The following TG variants were observed in gnomAD, a reference collection of about 807,000 sequenced individuals.
The protein encoded by TG is thyroglobulin, also known as thyroid hormones.
TG carries 270 observed loss-of-function variants against 324.7 expected under a neutral mutation model. That is an observed-to-expected ratio of 0.83 (90% confidence interval 0.75 to 0.92). The LOEUF is 0.92. Among genes scored for constraint, TG ranks in the 40% least tolerant of loss-of-function variants. The probability of loss-of-function intolerance (pLI) is 0.00; values close to 1 mark genes in which losing one functional copy is unlikely to be tolerated. For missense variants in TG, 3,591 were observed against 3,456.4 expected, an observed-to-expected ratio of 1.04 and a Z score of -0.98; for synonymous variants, 1,401 against 1,327.0, an observed-to-expected ratio of 1.06 and a Z score of -1.21.
intron 27 of TG, among the ~76,000 whole-genome samples, 165 bp from the exon 28 acceptor site, chr8:132,960,843 G>C (rs1827644202): frequency 6.6e-6 from 1 of 152,164 alleles, no homozygotes; most frequent in South Asian, 2.1e-4. Flanking sequence ...GTACTAGGGA[G>C]CTGGAATAGA....
At chr8:132,995,952 G>A (rs1277162496) in intron 35 of TG, among the ~76,000 whole-genome samples, 3 of 152,140 alleles carry the variant, frequency 2.0e-5, no homozygotes, top group South Asian at 2.1e-4. Context: ...CATTACAGAC[G>A]TCTTTGGAAA....
At chr8:133,015,079 G>A (rs971667128) in intron 37 of TG, among the ~76,000 whole-genome samples, 1 of 152,116 alleles carries the variant, frequency 6.6e-6, no homozygotes, top group Non-Finnish European at 1.5e-5. Context: ...TGCCATGCTG[G>A]CCAGGCTGGT....
intron 43 of TG, among the ~76,000 whole-genome samples, chr8:133,104,950 T>G (rs1849670534): frequency 6.6e-6 from 1 of 152,226 alleles, no homozygotes; most frequent in Non-Finnish European, 1.5e-5. Context: ...CATGTCCATT[T>G]GGAATCCTCA....
At chr8:133,003,594 G>A (rs145551646) in intron 35 of TG, among the ~76,000 whole-genome samples, 23 of 152,016 alleles carry the variant, frequency 1.5e-4, no homozygotes, top group African/African-American at 3.6e-4. Context: ...TAATCTGTCC[G>A]TTAAAAATAA....
At position 132,963,909 on chromosome 8, in the gene TG, A is replaced by G. The variant is rs1417442437; in HGVS notation, c.5548+835A>G. 2.0e-5 allele frequency among the ~76,000 whole-genome samples: 3 copies of G among 152,234 alleles called. 1 individual carries two copies. Among genetic ancestry groups the G allele is most frequent in the South Asian group, 4.1e-4 (2 of 4,826 alleles). ...TGACTACATGCCTTAGTGCACGGCCATGGGTAATTTGCTTCCCTGCTAAGA... is the reference window on the plus strand; with the variant it reads ...TGACTACATGCCTTAGTGCACGGCCGTGGGTAATTTGCTTCCCTGCTAAGA... On this transcript the variant is annotated intron_variant, in intron 29 of 47. Coordinates refer to ENST00000220616, the MANE Select transcript of TG (RefSeq NM_003235.5).
chr8:132,911,293 C>A, intron 18 of TG, 84 bp from the exon 19 acceptor site: 1 of 1,612,684 alleles, frequency 6.2e-7, no homozygotes, highest in Non-Finnish European at 8.5e-7. Flanking sequence ...GTAACATAAG[C>A]CAAGTTCTGG....
At chr8:133,080,642 G>A (rs1033438688) in intron 41 of TG, among the ~76,000 whole-genome samples, 2 of 152,060 alleles carry the variant, frequency 1.3e-5, no homozygotes, top group African/African-American at 4.8e-5. Flanking sequence ...GGCATTCAAA[G>A]CTCATCAATC....
At chr8:132,914,939 G>A (rs1207291868) in intron 20 of TG, among the ~76,000 whole-genome samples, 1 of 152,096 alleles carries the variant, frequency 6.6e-6, no homozygotes, top group African/African-American at 2.4e-5. Flanking sequence ...TAGCAGGGGT[G>A]TACTGGTGTA....
intron 30 of TG, 118 bp from the exon 31 acceptor site, chr8:132,967,676 T>G (rs916902885): frequency 2.1e-5 from 24 of 1,153,814 alleles, no homozygotes; most frequent in Non-Finnish European, 2.9e-5. Context: ...GTCTCAGGCC[T>G]CTGCCCTAAC....
intron 28 of TG, 129 bp downstream of exon 28, chr8:132,961,202 A>G: frequency 2.1e-6 from 2 of 942,334 alleles, no homozygotes; most frequent in Admixed American, 2.0e-5. Flanking sequence ...CCAAATGCAT[A>G]CTTTCTGTGG....
chr8:132,948,082 C>G (rs548885556), intron 26 of TG, among the ~76,000 whole-genome samples: 1 of 152,324 alleles, frequency 6.6e-6, no homozygotes, highest in African/African-American at 2.4e-5. Context: ...CACACAGTCT[C>G]TGCTTGGATA....
At chr8:132,895,108 G>GA (rs760800395) in intron 11 of TG, among the ~76,000 whole-genome samples, 1 of 152,234 alleles carries the variant, frequency 6.6e-6, no homozygotes, top group Non-Finnish European at 1.5e-5. Context: ...TCTGGCAGGA[G>GA]AACAGGTCCC....
chr8:132,979,555 C>A (rs1335098854), intron 34 of TG, among the ~76,000 whole-genome samples: 1 of 152,174 alleles, frequency 6.6e-6, no homozygotes, highest in Non-Finnish European at 1.5e-5. Context: ...AGCTTCTTAA[C>A]CTTTTACTAA....
intron 41 of TG, among the ~76,000 whole-genome samples, chr8:133,064,720 C>T (rs550112409): frequency 3.3e-5 from 5 of 152,330 alleles, no homozygotes; most frequent in Admixed American, 2.6e-4. Flanking sequence ...GTTTCTGTTT[C>T]GCAGATCTGG....
intron 21 of TG, among the ~76,000 whole-genome samples, chr8:132,920,608 G>C (rs1820967127): frequency 6.6e-6 from 1 of 152,190 alleles, no homozygotes; most frequent in Non-Finnish European, 1.5e-5. Flanking sequence ...ATGACTTGAA[G>C]TGCTATCAAA....
chr8:133,131,287 A>T (rs1261960790), intron 45 of TG, among the ~76,000 whole-genome samples: 1 of 152,226 alleles, frequency 6.6e-6, no homozygotes, highest in Admixed American at 6.5e-5. Context: ...TATTTAATCC[A>T]GTCTAGCATG....
Position 132,913,143 on chromosome 8 carries a change from C to A in TG, c.4256C>A (p.Ala1419Glu), listed in dbSNP as rs374574993. 5 of 1,614,056 alleles carry A rather than the reference C, an allele frequency of 3.1e-6. No individual in the cohort carries two copies. Among genetic ancestry groups the A allele is most frequent in the Non-Finnish European group, 3.4e-6 (4 of 1,180,030 alleles). Residue 1419 changes from alanine (A) to glutamate (E), a missense_variant, in exon 20 of 48, where the codon GCG (alanine) becomes GAG (glutamate). By Grantham distance (107) the Ala-to-Glu change is moderately radical. Transcript: ENST00000220616. ...QLHLDSKTFP[A>E]ETIRFLQGDH... ...CATCTGGACTCCAAGACGTTCCCAGCGGAAACCATCCGCTTCCTCCAAGGG... is the reference window on the plus strand; with the variant it reads ...CATCTGGACTCCAAGACGTTCCCAGAGGAAACCATCCGCTTCCTCCAAGGG...
At chr8:133,104,844 A>G (rs927311370) in intron 43 of TG, among the ~76,000 whole-genome samples, 5 of 152,132 alleles carry the variant, frequency 3.3e-5, no homozygotes, top group Non-Finnish European at 7.4e-5. Flanking sequence ...TCTCCACTGG[A>G]TGCAAACGGC....
At chr8:132,900,499 C>A (rs3739281) in intron 15 of TG, among the ~76,000 whole-genome samples, 160 bp downstream of exon 15, 6,544 of 152,242 alleles carry the variant, frequency 0.043, 342 homozygotes, top group African/African-American at 0.12. Context: ...TCTATGAAAT[C>A]GGGGCAATAT....
Sources: gnomAD v4.1 joint callset for allele counts (sites outside exome capture counted in the v4.1 genomes callset) on GRCh38, gnomAD v4.1.1 for gene constraint, MANE v1.5 for transcripts, NCBI Gene and HGNC (gene_info 2026-07-23, HGNC 2026-07-21) for gene names.